The following EXTL3 variants were observed in gnomAD, a reference collection of about 807,000 sequenced individuals.
The protein encoded by EXTL3 is exostosin like glycosyltransferase 3.
EXTL3 carries 27 observed loss-of-function variants against 69.3 expected under a neutral mutation model. The observed-to-expected ratio is 0.39, with a 90% CI of 0.29 to 0.54. The LOEUF is 0.54. EXTL3 is among the 20% of genes least tolerant of loss of function. The pLI is 0.69. For missense variants in EXTL3, 1,003 were observed against 1,231.8 expected (o/e 0.81, Z 2.78); for synonymous variants, 511 against 499.4 (o/e 1.02, Z -0.31).
chr8:28,686,449 T>G (rs1431388151), intron 1 of EXTL3, among the ~76,000 whole-genome samples: 1 of 151,932 alleles, frequency 6.6e-6, no homozygotes, highest in Non-Finnish European at 1.5e-5. Context: ...GAACTTGGTG[T>G]GGGGAAGGGA....
intron 1 of EXTL3, among the ~76,000 whole-genome samples, chr8:28,686,337 A>G (rs1807577146): frequency 6.6e-6 from 1 of 151,444 alleles, no homozygotes; most frequent in Non-Finnish European, 1.5e-5. Flanking sequence ...CTCTCTCAAA[A>G]AAAAAAAAAA....
At chr8:28,705,468 A>T (rs1369915279) in intron 1 of EXTL3, among the ~76,000 whole-genome samples, 2 of 152,092 alleles carry the variant, frequency 1.3e-5, no homozygotes, top group African/African-American at 4.8e-5. Flanking sequence ...CTGTAATCCC[A>T]GCACTTTGGG....
At chr8:28,668,865 C>CTTTTTTTTTTTTTTTTT (rs999113088) in intron 1 of EXTL3, among the ~76,000 whole-genome samples, 2 of 94,472 alleles carry the variant, frequency 2.1e-5, no homozygotes, top group Non-Finnish European at 3.9e-5. Flanking sequence ...GATAGAATCT[C>CTTTTTTTTTTTTTTTTT]TTTTTTTTTT....
chr8:28,657,709 A>T (rs539713668), intron 1 of EXTL3, among the ~76,000 whole-genome samples: 1 of 152,256 alleles, frequency 6.6e-6, no homozygotes, highest in South Asian at 2.1e-4. Context: ...ATTGGAAAGC[A>T]CATCAAAGCA....
In EXTL3 at chr8:28,750,718, C is replaced by G. The variant is rs1241855800; in HGVS notation, c.2612C>G (p.Ser871Cys). 6.2e-7 allele frequency: 1 copy of G among 1,614,194 alleles called. No homozygotes were observed. ...CCTCAGGCCCTGTCTCATGATGACTCCCACTTCCACGAGCGGCACAAGTGC... is the reference window on the plus strand; with the variant it reads ...CCTCAGGCCCTGTCTCATGATGACTGCCACTTCCACGAGCGGCACAAGTGC... Reference protein sequence around the residue: ...GCPQALSHDDSHFHERHKCIN... With the variant: ...GCPQALSHDDCHFHERHKCIN... Residue 871 changes from serine (S) to cysteine (C), a missense_variant, in exon 7 of 7, where the codon TCC becomes TGC. Transcript: ENST00000220562. The surrounding 1 kb of genome is among the most constrained non-coding windows in gnomAD (Gnocchi z 5.2).
rs1366627170 is a variant in EXTL3 at position 28,716,528 on chromosome 8, A to G, written c.469A>G (p.Ile157Val). The change falls in exon 3 of 7, where the codon ATC (isoleucine) becomes GTC (valine). Residue 157 changes from isoleucine (I) to valine (V), a missense_variant. By Grantham distance (29) the Ile-to-Val change is conservative (BLOSUM62 3). Transcript: ENST00000220562. The surrounding 1 kb of genome is among the most constrained non-coding windows in gnomAD (Gnocchi z 7.1). ...GAACCAGCCCAAGCTGTCCCTGCCC[A>G]TCCGACTGCTCCCAGAGAAGGACGA... ...AQNQPKLSLP[I>V]RLLPEKDDAG... The G allele has an allele frequency of 1.1e-5, 18 of 1,614,080 alleles. No homozygotes were observed. The highest frequency in any genetic ancestry group is 1.7e-5 in the Admixed American group (1 of 60,026).
intron 3 of EXTL3, among the ~76,000 whole-genome samples, chr8:28,721,588 A>G (rs1402227505): frequency 6.6e-6 from 1 of 152,118 alleles, no homozygotes; most frequent in Non-Finnish European, 1.5e-5. Context: ...TTCACTCTCT[A>G]GTGCCTTCTG....
chr8:28,627,906 A>G (rs1284227230), intron 1 of EXTL3, among the ~76,000 whole-genome samples: 1 of 151,980 alleles, frequency 6.6e-6, no homozygotes, highest in African/African-American at 2.4e-5. Context: ...GACAGAAAGC[A>G]TGGGGGTTGC....
chr8:28,612,724 G>A (rs1257565051), intron 2 of EXTL3, among the ~76,000 whole-genome samples: 2 of 151,096 alleles, frequency 1.3e-5, no homozygotes, highest in African/African-American at 4.9e-5. Flanking sequence ...TACACAAATT[G>A]ACTTTTTTTT....
intron 5 of EXTL3, among the ~76,000 whole-genome samples, chr8:28,738,123 C>G (rs1172240607): frequency 1.3e-5 from 2 of 152,206 alleles, no homozygotes; most frequent in Admixed American, 6.5e-5. Context: ...GTGCTTATTA[C>G]TTTCACTGTG....
chr8:28,626,269 G>A lies in EXTL3; in HGVS notation c.-53+3459G>A, dbSNP rs1806490107. ...AAGATATAGAATAAGACTAAAGAAAGAGGACGGGGTCACACCATAAAAAGT... is the reference window on the plus strand; with the variant it reads ...AAGATATAGAATAAGACTAAAGAAAAAGGACGGGGTCACACCATAAAAAGT... On this transcript the variant is annotated intron_variant, in intron 1 of 6. Coordinates refer to the EXTL3 transcript ENST00000523149. 2.0e-5 allele frequency among the ~76,000 whole-genome samples: 3 copies of A among 151,980 alleles called. No individual in the cohort carries two copies. The South Asian group carries it at 6.2e-4, about 32-fold the overall frequency.
intron 3 of EXTL3, among the ~76,000 whole-genome samples, chr8:28,727,622 A>C (rs943361463): frequency 6.6e-6 from 1 of 152,190 alleles, no homozygotes; most frequent in African/African-American, 2.4e-5. Context: ...CAGATTTTGC[A>C]AACAGTGTGG....
intron 1 of EXTL3, among the ~76,000 whole-genome samples, chr8:28,658,806 C>T (rs1206009795): frequency 6.6e-6 from 1 of 152,158 alleles, no homozygotes; most frequent in African/African-American, 2.4e-5. Context: ...GTCTTGAACT[C>T]CCAACCTCAA....
intron 1 of EXTL3, among the ~76,000 whole-genome samples, chr8:28,695,406 G>A (rs1210456143): frequency 2.6e-5 from 4 of 152,228 alleles, no homozygotes; most frequent in African/African-American, 9.6e-5. Context: ...GGATTATGAG[G>A]ATTTTTTAAA....
chr8:28,700,331 TG>T (rs1387249607), upstream of EXTL3: 1 of 152,096 alleles, frequency 6.6e-6, no homozygotes, highest in Non-Finnish European at 1.5e-5. Flanking sequence ...GGTGGAGAGA[TG>T]AAGAGTGTGC....
chr8:28,657,455 G>A (rs1401603307), intron 1 of EXTL3, among the ~76,000 whole-genome samples: 1 of 152,142 alleles, frequency 6.6e-6, no homozygotes, highest in Non-Finnish European at 1.5e-5. Flanking sequence ...CCACTGACCT[G>A]CTGTCCAATG....
chr8:28,723,638 C>A (rs150263546), intron 3 of EXTL3, among the ~76,000 whole-genome samples: 1 of 124,728 alleles, frequency 8.0e-6, no homozygotes, highest in Non-Finnish European at 1.7e-5. Flanking sequence ...GGGCTCAGGA[C>A]TGTTTTTTTT....
intron 1 of EXTL3, among the ~76,000 whole-genome samples, chr8:28,673,435 A>G (rs1807330519): frequency 6.6e-6 from 1 of 152,188 alleles, no homozygotes; most frequent in Admixed American, 6.5e-5. Flanking sequence ...AAGGCAGAGG[A>G]AGAAGGAGTT....
In EXTL3 at chr8:28,676,244, T is replaced by C. The variant is rs145818738; in HGVS notation, c.-52-37213T>C. Among the ~76,000 whole-genome samples the C allele has an allele frequency of 7.2e-5, 11 of 152,240 alleles. No homozygotes were observed. In the East Asian group the frequency reaches 2.1e-3, roughly 29 times the overall value. On this transcript the variant is annotated intron_variant, in intron 1 of 6. Transcript: ENST00000523149. The stretch of plus-strand genomic sequence containing the variant: ...CCACCCTGGGAGGGTCTAGAAGGCA[T>C]ACATTTCATCAAGAATGTGAGAAAT...
Sources: gnomAD v4.1 joint callset for allele counts (sites outside exome capture counted in the v4.1 genomes callset) on GRCh38, gnomAD v4.1.1 for gene constraint, Gnocchi (gnomAD v3.1) non-coding constraint, MANE v1.5 for transcripts, NCBI Gene and HGNC (gene_info 2026-07-23, HGNC 2026-07-21) for gene names.